PDE1A: variants seen among roughly 807,000 people sequenced by gnomAD.
The protein encoded by PDE1A is dual specificity calcium/calmodulin-dependent 3',5'-cyclic nucleotide phosphodiesterase 1A.
A neutral mutation model predicts 61.7 loss-of-function variants in PDE1A; 35 were observed. The observed-to-expected ratio is 0.57, with a 90% confidence interval of 0.43 to 0.75. The LOEUF (loss-of-function observed/expected upper bound fraction) is 0.75. PDE1A is among the 30% of genes least tolerant of loss of function. The pLI is 0.00. For missense variants in PDE1A, 597 were observed against 630.6 expected (o/e 0.95, Z 0.57); for synonymous variants, 232 against 213.2 (o/e 1.09, Z -0.77).
At chr2:182,578,090 T>C in the PDE1A span, among the ~76,000 whole-genome samples, 1 of 152,210 alleles carries the variant, frequency 6.6e-6, no homozygotes, top group Admixed American at 6.5e-5. Context: ...GGCTTTTCTT[T>C]TTCCATTTTC....
the PDE1A span, among the ~76,000 whole-genome samples, chr2:182,532,399 C>CTT: frequency 5.3e-5 from 8 of 152,022 alleles, no homozygotes; most frequent in South Asian, 1.7e-3. Context: ...TTTTAAAAAA[C>CTT]TTTTTTAAAA....
At chr2:182,534,238 G>T in the PDE1A span, among the ~76,000 whole-genome samples, 5 of 151,854 alleles carry the variant, frequency 3.3e-5, no homozygotes, top group African/African-American at 1.2e-4. Context: ...TCATTTGGTT[G>T]TATCATGATT....
chr2:182,433,490 A>G (rs1704056975), intron 2 of PDE1A, among the ~76,000 whole-genome samples: 1 of 152,080 alleles, frequency 6.6e-6, no homozygotes, highest in Non-Finnish European at 1.5e-5. Flanking sequence ...GCCCTTGATC[A>G]TGTATATCAG....
chr2:182,266,097 G>T (rs1290927128), intron 1 of PDE1A, among the ~76,000 whole-genome samples: 1 of 152,108 alleles, frequency 6.6e-6, no homozygotes, highest in East Asian at 1.9e-4. Flanking sequence ...GTCTTACTCA[G>T]GAAGCTGTAA....
chr2:182,465,335 C>G (rs1686584855), intron 2 of PDE1A, among the ~76,000 whole-genome samples: 1 of 151,884 alleles, frequency 6.6e-6, no homozygotes, highest in East Asian at 1.9e-4. Context: ...AACATGCATA[C>G]AAAAGAATTG....
the PDE1A span, among the ~76,000 whole-genome samples, chr2:182,532,980 A>G: frequency 2.8e-5 from 4 of 144,482 alleles, no homozygotes; most frequent in Non-Finnish European, 4.5e-5. Flanking sequence ...AAAACAATGA[A>G]TTTTGTATTA....
chr2:182,309,998 C>A (rs1695859632), intron 1 of PDE1A, among the ~76,000 whole-genome samples: 1 of 151,954 alleles, frequency 6.6e-6, no homozygotes, highest in Non-Finnish European at 1.5e-5. Context: ...GCAGACAGCC[C>A]TAAGGGAAGA....
In PDE1A at chr2:182,520,464, G is replaced by T. The variant is rs1350299863; in HGVS notation, c.101+1812C>A. On this transcript the variant is annotated intron_variant, in intron 2 of 14. Coordinates refer to the PDE1A transcript ENST00000410103. ...ATAAACACAACTCAAAATTAATTTT[G>T]CATGTACATATTTTCATATATCCTT... 2.0e-5 allele frequency among the ~76,000 whole-genome samples: 3 copies of T among 151,824 alleles called. No individual in the cohort carries two copies. In the South Asian group the frequency reaches 6.2e-4, roughly 32 times the overall value.
At chr2:182,429,485 T>C (rs1703814656), upstream of PDE1A, among the ~76,000 whole-genome samples, 1 of 152,092 alleles carries the variant, frequency 6.6e-6, no homozygotes, top group Admixed American at 6.6e-5. Flanking sequence ...AGAAAGGGTG[T>C]TTTTATTTTT....
the PDE1A span, among the ~76,000 whole-genome samples, chr2:182,560,172 C>T: frequency 6.6e-6 from 1 of 151,150 alleles, no homozygotes; most frequent in Non-Finnish European, 1.5e-5. Flanking sequence ...ATTAACTCGT[C>T]ATTTAGCATT....
chr2:182,571,003 T>C, the PDE1A span, among the ~76,000 whole-genome samples: 1 of 152,276 alleles, frequency 6.6e-6, no homozygotes, highest in Admixed American at 6.5e-5. Context: ...ATTCGTAAGG[T>C]TCTTAGAGCA....
intron 1 of PDE1A, among the ~76,000 whole-genome samples, chr2:182,280,081 A>T (rs1693700778): frequency 6.6e-6 from 1 of 151,980 alleles, no homozygotes; most frequent in African/African-American, 2.4e-5. Context: ...ATGATCAGAC[A>T]TACAGTGTTC....
the PDE1A span, among the ~76,000 whole-genome samples, chr2:182,688,713 A>C: frequency 7.8e-4 from 119 of 152,346 alleles, 1 homozygote; most frequent in African/African-American, 2.5e-3. Flanking sequence ...TAAATGCTCC[A>C]ATGAAAAGAC....
chr2:182,554,258 T>C, the PDE1A span, among the ~76,000 whole-genome samples: 4 of 152,238 alleles, frequency 2.6e-5, no homozygotes, highest in African/African-American at 9.6e-5. Flanking sequence ...TATTCCATTT[T>C]AGTGCTTTAA....
At chr2:182,419,712 T>C (rs879626415) in intron 1 of PDE1A, among the ~76,000 whole-genome samples, 7 of 152,310 alleles carry the variant, frequency 4.6e-5, no homozygotes, top group Non-Finnish European at 7.4e-5. Context: ...GGGCACCAGC[T>C]AGCAGTCTGC....
At chr2:182,714,710 C>T in the PDE1A span, among the ~76,000 whole-genome samples, 3 of 152,054 alleles carry the variant, frequency 2.0e-5, no homozygotes, top group African/African-American at 7.2e-5. Context: ...AGGGGTGTGC[C>T]ACCATGCCCG....
the PDE1A span, among the ~76,000 whole-genome samples, chr2:182,541,036 G>A: frequency 4.6e-5 from 7 of 151,994 alleles, no homozygotes; most frequent in Admixed American, 2.0e-4. Flanking sequence ...GGAAAGATCC[G>A]AGAAAGGAAC....
intron 2 of PDE1A, among the ~76,000 whole-genome samples, chr2:182,432,245 T>C (rs16823235): frequency 6.6e-6 from 1 of 152,018 alleles, no homozygotes; most frequent in Non-Finnish European, 1.5e-5. Flanking sequence ...GTTAAGTTAT[T>C]TAAATTTAAT....
At chr2:182,344,259 T>C (rs1698378138) in intron 1 of PDE1A, among the ~76,000 whole-genome samples, 1 of 152,134 alleles carries the variant, frequency 6.6e-6, no homozygotes, top group South Asian at 2.1e-4. Flanking sequence ...TATATGAATA[T>C]AGGGAATCTT....
Sources: allele counts gnomAD v4.1 joint callset (sites outside exome capture counted in the v4.1 genomes callset), GRCh38; gene constraint gnomAD v4.1.1; transcripts MANE v1.5; gene names NCBI Gene and HGNC (gene_info 2026-07-23, HGNC 2026-07-21).